TBXT: variants seen among roughly 807,000 people sequenced by gnomAD.
TBXT encodes T-box transcription factor T, also known as T brachyury transcription factor.
In TBXT, 19 loss-of-function variants were observed where a neutral mutation model predicts 41.1. The observed-to-expected ratio is 0.46, with a 90% confidence interval of 0.32 to 0.68. The LOEUF (loss-of-function observed/expected upper bound fraction) is 0.68, where lower values mean the gene tolerates loss of function less well. TBXT is among the 30% of genes least tolerant of loss of function. The probability of loss-of-function intolerance (pLI) is 0.03; values close to 1 mark genes in which losing one functional copy is unlikely to be tolerated. For missense variants in TBXT, 536 were observed against 582.0 expected (o/e 0.92, Z 0.81); for synonymous variants, 213 against 238.9 (o/e 0.89, Z 1.00).
intron 6 of TBXT, among the ~76,000 whole-genome samples, chr6:166,161,570 A>T (rs1317490394): frequency 6.6e-6 from 1 of 152,214 alleles, no homozygotes; most frequent in Non-Finnish European, 1.5e-5. Flanking sequence ...GGGGATCTTT[A>T]TGGTCTATCC....
At chr6:166,161,017 C>T in intron 6 of TBXT, 51 bp from the exon 7 acceptor site, 4 of 1,607,976 alleles carry the variant, frequency 2.5e-6, no homozygotes, top group Non-Finnish European at 3.4e-6. Flanking sequence ...CTTCCAAGAA[C>T]AACAAAGTAC....
chr6:166,159,917 G>A (rs1001474103), intron 7 of TBXT, among the ~76,000 whole-genome samples: 24 of 151,610 alleles, frequency 1.6e-4, no homozygotes, highest in Admixed American at 1.4e-3. Context: ...TGAAAGCTTC[G>A]CTTGTTTACG....
Position 166,162,529 on chromosome 6 carries a change from G to A in TBXT, c.825C>T (p.His275=). The A allele has an allele frequency of 6.2e-7, 1 of 1,614,154 alleles. No individual in the cohort carries two copies. The highest frequency in any genetic ancestry group is 8.5e-7 in the Non-Finnish European group (1 of 1,180,010). ...FGGALSLPST[H]SCDRYPTLRS... ...TCAGGGTTGGGTACCTGTCACAGCT[G>A]TGCGTGGAGGGGAGGGAGAGGGCAC... The change falls in exon 6 of 8, where the codon CAC becomes CAT. Residue 275 remains histidine, a synonymous_variant. Coordinates refer to ENST00000366876, the MANE Select transcript of TBXT (RefSeq NM_001366285.2).
At chr6:166,167,108 CGCGGGGACAG>C (rs1282558678) in intron 1 of TBXT, among the ~76,000 whole-genome samples, 1 of 152,252 alleles carries the variant, frequency 6.6e-6, no homozygotes, top group Non-Finnish European at 1.5e-5. Flanking sequence ...GGCCACATCC[CGCGGGGACAG>C]GCGGGGACCA....
rs1216276411 is a variant in TBXT, at chr6:166,164,832, T to C, written c.636A>G (p.Pro212=). The C allele has an allele frequency of 1.2e-6, 2 of 1,613,050 alleles. No homozygotes were observed. Among genetic ancestry groups the C allele is most frequent in the African/African-American group, 1.3e-5 (1 of 74,996 alleles). The change falls in exon 4 of 8, where the codon CCA becomes CCG. Residue 212 remains proline (P), a synonymous_variant. Coordinates refer to ENST00000366876, the MANE Select transcript of TBXT (RefSeq NM_001366285.2). The part of the protein sequence containing the change: ...EITALKIKYN[P]FAKAFLDAKE... ...TTGCATCAAGGAAAGCTTTTGCAAATGGATTGTACTTAATTTTAAGAGCTG... is the reference window on the plus strand; with the variant it reads ...TTGCATCAAGGAAAGCTTTTGCAAACGGATTGTACTTAATTTTAAGAGCTG...
Position 166,158,179 on chromosome 6 carries a change from T to A in TBXT, c.*136A>T. The A allele has an allele frequency of 7.1e-7, 1 of 1,405,548 alleles. No individual in the cohort carries two copies. Among genetic ancestry groups the A allele is most frequent in the Non-Finnish European group, 1.0e-6 (1 of 1,002,340 alleles). The allele number at this position is 1,405,548 out of a possible 1,614,324, so 87.1% of individuals were successfully genotyped here. ...AGGTGCCGTGTGCTCCTCCACTGCT[T>A]TGAAAAGGAAGTTACTGAGGCTGCA... On this transcript the variant is annotated 3_prime_UTR_variant, in exon 8 of 8. Coordinates refer to ENST00000366876, the MANE Select transcript of TBXT (RefSeq NM_001366285.2).
intron 1 of TBXT, 94 bp downstream of exon 1, chr6:166,167,292 G>T: frequency 1.4e-6 from 2 of 1,437,754 alleles, no homozygotes; most frequent in Middle Eastern, 1.8e-4. Context: ...TCCTCCAGGA[G>T]AAAAAGGGTT....
chr6:166,167,582 G>T lies in TBXT; in HGVS notation c.10C>A (p.Pro4Thr). The change falls in exon 1 of 8, where the codon CCT becomes ACT. Residue 4 changes from proline (P) to threonine (T), a missense_variant. Pro to Thr is a conservative substitution (Grantham distance 38). Transcript: ENST00000366876. MSS[P>T]GTESAGKSLQ... ...CTCTTTCCCGCGCTCTCGGTGCCAG[G>T]GGAGCTCATCCTCCCGTCCGGCTCC... The T allele has an allele frequency of 6.4e-7, 1 of 1,561,606 alleles. No individual in the cohort carries two copies.
At chr6:166,159,761 T>C (rs1284703877) in intron 7 of TBXT, among the ~76,000 whole-genome samples, 2 of 152,254 alleles carry the variant, frequency 1.3e-5, no homozygotes, top group Non-Finnish European at 1.5e-5. Flanking sequence ...CAGATTTTTA[T>C]GCCATTTTAC....
Position 166,165,579 on chromosome 6 carries a change from T to A in TBXT, c.606+127A>T, listed in dbSNP as rs554938569. On this transcript the variant is annotated intron_variant, in intron 3 of 7. Coordinates refer to ENST00000366876, the MANE Select transcript of TBXT (RefSeq NM_001366285.2). ...TTCCATTTCAAGTTCCGGAATATTATTTGAAAGGGCAGGAAGCCTTCCTCT... is the reference window on the plus strand; with the variant it reads ...TTCCATTTCAAGTTCCGGAATATTAATTGAAAGGGCAGGAAGCCTTCCTCT... The A allele has an allele frequency of 1.2e-4, 175 of 1,443,864 alleles. 1 individual carries two copies. In the South Asian group the frequency reaches 2.0e-3, roughly 16 times the overall value. 89.4% of individuals were successfully genotyped at this position (1,443,864 alleles called of 1,614,324 possible). A position where few individuals can be genotyped will look rare whatever the true frequency, so the allele number is the denominator to read the frequency against.
intron 6 of TBXT, 46 bp downstream of exon 6, chr6:166,162,401 T>C: frequency 6.2e-7 from 1 of 1,611,074 alleles, no homozygotes; most frequent in African/African-American, 1.3e-5. Context: ...CAAAGTGGTC[T>C]TGCAGCCACC....
chr6:166,165,772 G>A lies in TBXT; in HGVS notation c.540C>T (p.Arg180=), dbSNP rs1424072042. 1 of 1,614,186 alleles carries A rather than the reference G, an allele frequency of 6.2e-7. No individual in the cohort carries two copies. The highest frequency in any genetic ancestry group is 1.7e-5 in the Admixed American group (1 of 60,022). Residue 180 remains arginine, a synonymous_variant, in exon 3 of 8, where the codon CGC becomes CGT. Transcript: ENST00000366876. Reference sequence around the variant, plus strand: ...CAGGGAAGCAGTGGCTGGTGATCATGCGCTGTGGACCCCCAACTCTCACTA... The same window carrying A: ...CAGGGAAGCAGTGGCTGGTGATCATACGCTGTGGACCCCCAACTCTCACTA... ...IHIVRVGGPQ[R]MITSHCFPET... is the part of the protein sequence containing the mutation.
At chr6:166,162,399 T>C (rs1778984870) in intron 6 of TBXT, 48 bp downstream of exon 6, 1 of 1,608,928 alleles carries the variant, frequency 6.2e-7, no homozygotes, top group Non-Finnish European at 8.5e-7. Flanking sequence ...CCCAAAGTGG[T>C]CTTGCAGCCA....
chr6:166,158,564 C>T lies in TBXT; in HGVS notation c.1062G>A (p.Val354=), dbSNP rs1778861144. 2.5e-6 allele frequency: 4 copies of T among 1,571,426 alleles called. No individual in the cohort carries two copies. The highest frequency in any genetic ancestry group is 2.3e-5 in the East Asian group (1 of 43,636). The change falls in exon 8 of 8, where the codon GTG becomes GTA. Residue 354 remains valine, a synonymous_variant. Coordinates refer to ENST00000366876, the MANE Select transcript of TBXT (RefSeq NM_001366285.2). The stretch of plus-strand genomic sequence containing the variant: ...AGCCCGGGGTGACGGCGCCGTTGCT[C>T]ACAGACCACAGGCTGGGGTACTGAC... ...SSSQYPSLWS[V]SNGAVTPGSQ...
In TBXT at chr6:166,166,613, G is replaced by A; in HGVS notation, c.450C>T (p.Asn150=). Residue 150 remains asparagine (N), a synonymous_variant, in exon 2 of 8, where the codon AAC becomes AAT. Transcript: ENST00000366876. ...CTACCTGGCCCCCTCCGTTGAGCTT[G>A]TTGGTGAGCTTGACTTTGCTGAAGG... ...PVSFSKVKLT[N]KLNGGGQIML... The A allele has an allele frequency of 6.2e-7, 1 of 1,614,060 alleles. No homozygotes were observed. The highest frequency in any genetic ancestry group is 8.5e-7 in the Non-Finnish European group (1 of 1,180,018).
rs1314563174 is a variant in TBXT, at chr6:166,162,478, G to A, written c.876C>T (p.Pro292=). 3.1e-6 allele frequency: 5 copies of A among 1,614,086 alleles called. No homozygotes were observed. In the African/African-American group the frequency reaches 5.3e-5, roughly 17 times the overall value. ...AATTGTTCCGATGAGCATAGGGGCT[G>A]GGGTAGGGTGAGGACCGGTGGCTCC... ...TLRSHRSSPY[P]SPYAHRNNSP... The change falls in exon 6 of 8, where the codon CCC becomes CCT. Residue 292 remains proline, a synonymous_variant. Transcript: ENST00000366876.
chr6:166,166,544 C>T lies in TBXT; in HGVS notation c.471+48G>A, dbSNP rs369176432. The T allele has an allele frequency of 5.0e-6, 8 of 1,611,904 alleles. No individual in the cohort carries two copies. The African/African-American group carries it at 1.1e-4, about 22-fold the overall frequency. ...CAACCCCCGTGCAGAAGGCGCAGCG[C>T]GGCCCCCTCCTCGCTGGTCCCAGAC... On this transcript the variant is annotated intron_variant, in intron 2 of 7. Transcript: ENST00000366876.
In TBXT at chr6:166,158,342, C is replaced by A; in HGVS notation, c.1284G>T (p.Trp428Cys). 1 of 1,614,250 alleles carries A rather than the reference C, an allele frequency of 6.2e-7. No individual in the cohort carries two copies. ...AAAQGRLIASWTPVSPPSM is the reference protein window; with the variant it reads ...AAAQGRLIASCTPVSPPSM The stretch of plus-strand genomic sequence containing the variant: ...ACATGGAAGGTGGCGACACAGGTGT[C>A]CATGAGGCTATGAGGCGGCCTTGGG... The change falls in exon 8 of 8, where the codon TGG (tryptophan) becomes TGT (cysteine). Residue 428 changes from tryptophan (W) to cysteine (C), a missense_variant. Physicochemically the swap from Trp to Cys is radical, Grantham distance 215 (BLOSUM62 -2). Coordinates refer to ENST00000366876, the MANE Select transcript of TBXT (RefSeq NM_001366285.2).
chr6:166,158,020 C>G lies in TBXT; in HGVS notation c.*295G>C. On this transcript the variant is annotated 3_prime_UTR_variant, in exon 8 of 8. Transcript: ENST00000366876. ...AAATAAACCAAAAAAAGTTTCTGGA[C>G]CCTGGCAAACATTTTTTCACCGTCA... 1.8e-6 allele frequency: 1 copy of G among 544,928 alleles called. No homozygotes were observed. Among genetic ancestry groups the G allele is most frequent in the South Asian group, 2.2e-5 (1 of 46,326 alleles). 33.8% of individuals were successfully genotyped at this position (544,928 alleles called of 1,614,324 possible). A position where few individuals can be genotyped will look rare whatever the true frequency, so the allele number is the denominator to read the frequency against.
Sources: allele counts gnomAD v4.1 joint callset (sites outside exome capture counted in the v4.1 genomes callset), GRCh38; gene constraint gnomAD v4.1.1; transcripts MANE v1.5; gene names NCBI Gene and HGNC (gene_info 2026-07-23, HGNC 2026-07-21).